The following THNSL1 variants were observed in gnomAD, a reference collection of about 807,000 sequenced individuals.
THNSL1 encodes threonine synthase like 1.
In THNSL1, 48 loss-of-function variants were observed where a neutral mutation model predicts 50.4. That is an observed-to-expected ratio of 0.95 (90% CI 0.76 to 1.21). The LOEUF is 1.21. Among genes scored for constraint, THNSL1 ranks in the 50% most tolerant of loss-of-function variants. The pLI is 0.00. For missense variants in THNSL1, 896 were observed against 871.7 expected (o/e 1.03, Z -0.35); for synonymous variants, 309 against 306.1 (o/e 1.01, Z -0.10).
At chr10:24,972,417 AGAATCATTTGAACCCG>A in the THNSL1 span, among the ~76,000 whole-genome samples, 2 of 151,806 alleles carry the variant, frequency 1.3e-5, no homozygotes, top group Non-Finnish European at 2.9e-5. Context: ...CTGAGGCAGG[AGAATCATTTGAACCCG>A]GAAGGTGGAG....
chr10:25,021,337 T>C (rs148977825), intron 1 of THNSL1, among the ~76,000 whole-genome samples: 40 of 152,358 alleles, frequency 2.6e-4, no homozygotes, highest in African/African-American at 9.1e-4. Flanking sequence ...CATATGAATA[T>C]ATAGTGATTT....
At chr10:25,020,344 G>A (rs1441919026) in intron 1 of THNSL1, among the ~76,000 whole-genome samples, 2 of 151,714 alleles carry the variant, frequency 1.3e-5, no homozygotes, top group African/African-American at 2.4e-5. Context: ...GGGTAGAGGG[G>A]AACTAACATA....
chr10:24,978,203 A>G, the THNSL1 span, among the ~76,000 whole-genome samples: 1 of 152,110 alleles, frequency 6.6e-6, no homozygotes, highest in Non-Finnish European at 1.5e-5. Context: ...TTTTTCATCA[A>G]GCACATTATG....
chr10:25,006,466 A>G, the THNSL1 span, among the ~76,000 whole-genome samples: 58 of 152,212 alleles, frequency 3.8e-4, no homozygotes, highest in African/African-American at 1.3e-3. Context: ...TTAAAGAAGC[A>G]TGGGAAGGAT....
At chr10:24,973,940 G>A in the THNSL1 span, among the ~76,000 whole-genome samples, 2 of 152,080 alleles carry the variant, frequency 1.3e-5, no homozygotes, top group Admixed American at 6.5e-5. Flanking sequence ...TTTTAGTAGA[G>A]ACAGAGTTTC....
chr10:24,962,558 C>T, the THNSL1 span, among the ~76,000 whole-genome samples: 5 of 152,138 alleles, frequency 3.3e-5, no homozygotes, highest in East Asian at 9.6e-4. Context: ...ATCATTTAAA[C>T]ATTTTTCTAA....
chr10:25,018,146 A>G (rs767831603), intron 1 of THNSL1, among the ~76,000 whole-genome samples: 11 of 152,350 alleles, frequency 7.2e-5, no homozygotes, highest in African/African-American at 2.4e-4. Flanking sequence ...AATTTGTGCA[A>G]GACCTCACTG....
rs780164466 is a variant in THNSL1 at position 25,023,954 on chromosome 10, A to C, written c.731A>C (p.Gln244Pro). Residue 244 changes from glutamine (Q) to proline (P), a missense_variant, in exon 3 of 3, where the codon CAG becomes CCG. Gln to Pro is a moderately conservative substitution (Grantham distance 76, BLOSUM62 -1). Transcript: ENST00000376356. ...TRHVWPEDCEQKVSAKFFSEA... is the reference protein window; with the variant it reads ...TRHVWPEDCEPKVSAKFFSEA... The stretch of plus-strand genomic sequence containing the variant: ...CACGTTTGGCCTGAAGACTGTGAAC[A>C]GAAGGTTTCAGCAAAATTCTTTAGT... 1.2e-5 allele frequency: 19 copies of C among 1,614,216 alleles called. No individual in the cohort carries two copies. The Admixed American group carries it at 3.2e-4, about 27-fold the overall frequency.
the THNSL1 span, among the ~76,000 whole-genome samples, chr10:25,000,835 T>C: frequency 2.6e-5 from 4 of 152,134 alleles, no homozygotes. Context: ...CATATCCCCT[T>C]GCTCATTCTA....
At chr10:25,013,400 C>T (rs894597052), upstream of THNSL1, among the ~76,000 whole-genome samples, 1 of 152,220 alleles carries the variant, frequency 6.6e-6, no homozygotes, top group African/African-American at 2.4e-5. Context: ...GAATCAGCTA[C>T]ATAATTAGAG....
At chr10:25,022,662 G>A (rs189192350) in intron 2 of THNSL1, among the ~76,000 whole-genome samples, 1 of 152,172 alleles carries the variant, frequency 6.6e-6, no homozygotes, top group African/African-American at 2.4e-5. Context: ...AGAAATTTAT[G>A]AGTAATATAG....
rs143076199 is a variant in THNSL1, at chr10:25,025,198, C to T, written c.1975C>T (p.Pro659Ser). The T allele has an allele frequency of 3.2e-5, 52 of 1,613,990 alleles. No individual in the cohort carries two copies. Among genetic ancestry groups the T allele is most frequent in the African/African-American group, 4.0e-5 (3 of 74,894 alleles). Residue 659 changes from proline to serine, a missense_variant, in exon 3 of 3, where the codon CCT becomes TCT. Physicochemically the swap from Pro to Ser is moderately conservative, Grantham distance 74. Transcript: ENST00000376356. ...VADRVQDKTC[P>S]VIISSTAHYS... is the part of the protein sequence containing the mutation. Reference sequence around the variant, plus strand: ...AGATAGGGTGCAAGACAAAACTTGCCCTGTGATTATCTCATCTACAGCCCA... The same window carrying T: ...AGATAGGGTGCAAGACAAAACTTGCTCTGTGATTATCTCATCTACAGCCCA...
rs190732979 is a variant in THNSL1 at position 25,018,797 on chromosome 10, T to C, written c.-216+2105T>C. 7.2e-5 allele frequency among the ~76,000 whole-genome samples: 11 copies of C among 152,214 alleles called. No homozygotes were observed. The East Asian group carries it at 2.1e-3, about 29-fold the overall frequency. ...AGGTTCTTTATAATTCTCAAAGTTA[T>C]AGAATTGTGGATACTAAAGTTTTCA... is the stretch of plus-strand genomic sequence containing the variant. On this transcript the variant is annotated intron_variant, in intron 1 of 2. Transcript: ENST00000376356.
the THNSL1 span, among the ~76,000 whole-genome samples, chr10:24,954,318 A>T: frequency 5.9e-5 from 9 of 152,078 alleles, no homozygotes; most frequent in South Asian, 6.2e-4. Flanking sequence ...GATGGGTGTG[A>T]TGTGGGTGGC....
the THNSL1 span, among the ~76,000 whole-genome samples, chr10:25,001,217 T>C: frequency 6.6e-6 from 1 of 152,098 alleles, no homozygotes; most frequent in Non-Finnish European, 1.5e-5. Flanking sequence ...AGGACATTTT[T>C]AAACTTCTGG....
the THNSL1 span, among the ~76,000 whole-genome samples, chr10:24,975,723 G>A: frequency 6.6e-6 from 1 of 152,140 alleles, no homozygotes; most frequent in African/African-American, 2.4e-5. Context: ...GGCCTCCCCA[G>A]CCATGTGGAA....
At chr10:24,988,711 T>A in the THNSL1 span, among the ~76,000 whole-genome samples, 1 of 29,362 alleles carries the variant, frequency 3.4e-5, no homozygotes, top group African/African-American at 1.5e-4. Flanking sequence ...TATATATATA[T>A]ATATATATAT....
Position 25,023,393 on chromosome 10 carries a change from A to G in THNSL1, c.170A>G (p.Asn57Ser), listed in dbSNP as rs138626470. 7.4e-6 allele frequency: 12 copies of G among 1,614,178 alleles called. No homozygotes were observed. The East Asian group carries it at 1.1e-4, about 15-fold the overall frequency. ...ACCCACTCTCTTGTTGGAGACAAAAATATTATCCTGATGGGACCTCCTGGT... is the reference window on the plus strand; with the variant it reads ...ACCCACTCTCTTGTTGGAGACAAAAGTATTATCCTGATGGGACCTCCTGGT... ...YSTHSLVGDKNIILMGPPGAG... is the reference protein window; with the variant it reads ...YSTHSLVGDKSIILMGPPGAG... The change falls in exon 3 of 3, where the codon AAT (asparagine) becomes AGT (serine). Residue 57 changes from asparagine to serine, a missense_variant. Transcript: ENST00000376356.
the THNSL1 span, among the ~76,000 whole-genome samples, chr10:24,955,911 C>T: frequency 6.6e-6 from 1 of 152,084 alleles, no homozygotes. Flanking sequence ...TGCACCACTG[C>T]ACTCCAGCCT....
Sources: allele counts gnomAD v4.1 joint callset (sites outside exome capture counted in the v4.1 genomes callset), GRCh38; gene constraint gnomAD v4.1.1; transcripts MANE v1.5; gene names NCBI Gene and HGNC (gene_info 2026-07-23, HGNC 2026-07-21).